Variants in UGT1A9 observed in about 807,000 individuals in gnomAD.
The protein encoded by UGT1A9 is UDP glucuronosyltransferase family 1 member A9.
In UGT1A9, 35 loss-of-function variants were observed where a neutral mutation model predicts 45.0. The observed-to-expected ratio is 0.78, with a 90% CI of 0.59 to 1.03. The LOEUF (loss-of-function observed/expected upper bound fraction) is 1.03, where lower values mean the gene tolerates loss of function less well. Among genes scored for constraint, UGT1A9 ranks in the 50% least tolerant of loss-of-function variants. The pLI is 0.00. For synonymous variants in UGT1A9, 278 were observed against 250.6 expected (o/e 1.11, Z -1.03); for missense variants, 687 against 666.6 (o/e 1.03, Z -0.34).
At chr2:233,724,136 CG>C in intron 1 of UGT1A9, among the ~76,000 whole-genome samples, 1 of 111,742 alleles carries the variant, frequency 8.9e-6, no homozygotes, top group African/African-American at 4.3e-5. Flanking sequence ...ACCTCCCGGA[CG>C]GGGCGGCTGG....
intron 1 of UGT1A9, among the ~76,000 whole-genome samples, chr2:233,702,121 A>T (rs1297535500): frequency 6.6e-6 from 1 of 152,030 alleles, no homozygotes; most frequent in Non-Finnish European, 1.5e-5. Flanking sequence ...ACCTTAGAAC[A>T]TTTTCAGTCA....
intron 1 of UGT1A9, among the ~76,000 whole-genome samples, chr2:233,701,820 G>C (rs1478449755): frequency 2.6e-5 from 4 of 152,146 alleles, no homozygotes; most frequent in African/African-American, 4.8e-5. Context: ...CAACATACCA[G>C]AATCTCTGGG....
At chr2:233,743,173 A>G (rs890417229) in intron 1 of UGT1A9, 7 of 365,612 alleles carry the variant, frequency 1.9e-5, no homozygotes, top group African/African-American at 1.5e-4. Flanking sequence ...GCTTAAAGTC[A>G]AATGTGGACT....
chr2:233,741,330 A>G lies in UGT1A9; in HGVS notation c.856-25704A>G, dbSNP rs546865407. On this transcript the variant is annotated intron_variant, in intron 1 of 4. Coordinates refer to ENST00000354728, the MANE Select transcript of UGT1A9 (RefSeq NM_021027.3). ...CACACCAACTCATTCTACTCTACCC[A>G]GAGTAGTGATTTCCAACACACAAAA... is the stretch of plus-strand genomic sequence containing the variant. Among the ~76,000 whole-genome samples the G allele has an allele frequency of 1.8e-4, 27 of 151,932 alleles. 1 individual carries two copies. Among genetic ancestry groups the G allele is most frequent in the African/African-American group, 5.6e-4 (23 of 41,194 alleles).
chr2:233,742,206 C>T (rs2125841703), intron 1 of UGT1A9, among the ~76,000 whole-genome samples: 1 of 152,086 alleles, frequency 6.6e-6, no homozygotes, highest in African/African-American at 2.4e-5. Context: ...AGGGGACTCA[C>T]AGCCTTCAGG....
At chr2:233,761,638 C>T (rs769742430) in intron 1 of UGT1A9, among the ~76,000 whole-genome samples, 2 of 152,230 alleles carry the variant, frequency 1.3e-5, no homozygotes, top group African/African-American at 2.4e-5. Context: ...TCCTGCAGTC[C>T]GTTCTCTTCT....
rs1559334070 is a variant in UGT1A9 at position 233,672,157 on chromosome 2, A to G, written c.223A>G (p.Lys75Glu). ...QLGRSLNCTV[K>E]TYSTSYTLED... ...GGGAAGATCACTGAATTGCACAGTGAAGACTTATTCAACTTCATATACCCT... is the reference window on the plus strand; with the variant it reads ...GGGAAGATCACTGAATTGCACAGTGGAGACTTATTCAACTTCATATACCCT... Residue 75 changes from lysine (K) to glutamate (E), a missense_variant, in exon 1 of 5, where the codon AAG (lysine) becomes GAG (glutamate). By Grantham distance (56) the Lys-to-Glu change is moderately conservative (BLOSUM62 1). Coordinates refer to ENST00000354728, the MANE Select transcript of UGT1A9 (RefSeq NM_021027.3). 4 of 1,614,188 alleles carry G rather than the reference A, an allele frequency of 2.5e-6. No individual in the cohort carries two copies. Among genetic ancestry groups the G allele is most frequent in the Non-Finnish European group, 3.4e-6 (4 of 1,180,026 alleles).
rs780660931 is a variant in UGT1A9, at chr2:233,767,955, A to C, written c.1075+19A>C. 173 of 1,614,006 alleles carry C rather than the reference A, an allele frequency of 1.1e-4. 2 individuals carry two copies. In the South Asian group the frequency reaches 1.6e-3, roughly 15 times the overall value. ...CTGCTTGGTATGTTGGGCGGATTGG[A>C]TGTATAGGTCAAACCAGGGTCAAAT... On this transcript the variant is annotated intron_variant, in intron 3 of 4. Coordinates refer to ENST00000354728, the MANE Select transcript of UGT1A9 (RefSeq NM_021027.3).
chr2:233,750,659 G>C (rs1224813107), intron 1 of UGT1A9: 1 of 143,478 alleles, frequency 7.0e-6, no homozygotes, highest in Non-Finnish European at 1.5e-5. Context: ...AGGACTTGGT[G>C]CCCTGTGTCC....
intron 1 of UGT1A9, among the ~76,000 whole-genome samples, chr2:233,720,647 A>G (rs1240527051): frequency 6.6e-6 from 1 of 152,088 alleles, no homozygotes; most frequent in African/African-American, 2.4e-5. Flanking sequence ...CTGGGATGTG[A>G]AAAACCAAAT....
chr2:233,672,140 C>T lies in UGT1A9; in HGVS notation c.206C>T (p.Ser69Leu), dbSNP rs2074212137. ...GAGGTGAGTTGGCAACTGGGAAGAT[C>T]ACTGAATTGCACAGTGAAGACTTAT... ...MPEVSWQLGR[S>L]LNCTVKTYST... Residue 69 changes from serine (S) to leucine (L), a missense_variant, in exon 1 of 5, where the codon TCA (serine) becomes TTA (leucine). Transcript: ENST00000354728. 1 of 1,614,186 alleles carries T rather than the reference C, an allele frequency of 6.2e-7. No individual in the cohort carries two copies. The highest frequency in any genetic ancestry group is 1.3e-5 in the African/African-American group (1 of 75,066).
intron 1 of UGT1A9, chr2:233,721,930 C>A: frequency 2.6e-6 from 1 of 377,680 alleles, no homozygotes; most frequent in Non-Finnish European, 5.3e-6. Context: ...AAGTGACATC[C>A]TTCAGACACT....
intron 1 of UGT1A9, among the ~76,000 whole-genome samples, chr2:233,757,869 G>C (rs1204071676): frequency 2.6e-5 from 4 of 151,938 alleles, no homozygotes; most frequent in African/African-American, 7.3e-5. Context: ...AAAGAAAGTA[G>C]CTTCAAAAGG....
At chr2:233,743,431 C>T (rs755334550) in intron 1 of UGT1A9, 17 of 1,354,320 alleles carry the variant, frequency 1.3e-5, no homozygotes, top group African/African-American at 1.5e-5. Context: ...GCCAAAGGAA[C>T]GAAATCCTGT....
chr2:233,769,852 T>G lies in UGT1A9; in HGVS notation c.1295+1413T>G. On this transcript the variant is annotated intron_variant, in intron 4 of 4. Transcript: ENST00000354728. The surrounding 1 kb of genome is among the most constrained non-coding windows in gnomAD (Gnocchi z 4.4). ...CAACCTGGGCAACAGAGTGAGACCC[T>G]GTCTCAAAAAAAAAAAAAAAAATGA... 1.1e-5 allele frequency: 5 copies of G among 461,196 alleles called. No homozygotes were observed. Among genetic ancestry groups the G allele is most frequent in the Non-Finnish European group, 1.0e-5 (3 of 289,680 alleles). 28.6% of individuals were successfully genotyped at this position (461,196 alleles called of 1,614,324 possible).
chr2:233,687,956 A>G (rs2074870649), intron 1 of UGT1A9, among the ~76,000 whole-genome samples: 1 of 152,252 alleles, frequency 6.6e-6, no homozygotes, highest in Non-Finnish European at 1.5e-5. Flanking sequence ...TTAAAAATTG[A>G]TATGTAATTC....
At chr2:233,695,566 C>T (rs956189673) in intron 1 of UGT1A9, among the ~76,000 whole-genome samples, 1 of 150,778 alleles carries the variant, frequency 6.6e-6, no homozygotes, top group South Asian at 2.1e-4. Context: ...CCATTTTCAC[C>T]CCCCCTTCCC....
At chr2:233,730,107 G>A (rs2077985691) in intron 1 of UGT1A9, 1 of 1,570,754 alleles carries the variant, frequency 6.4e-7, no homozygotes, top group Non-Finnish European at 8.6e-7. Flanking sequence ...TTTCATTTCT[G>A]CTTCTCCTTG....
intron 1 of UGT1A9, among the ~76,000 whole-genome samples, chr2:233,741,187 CT>C (rs1691585629): frequency 6.6e-6 from 1 of 151,902 alleles, no homozygotes; most frequent in Non-Finnish European, 1.5e-5. Context: ...CTTGTGTTTG[CT>C]TTCAACTGTT....
Sources: allele counts gnomAD v4.1 joint callset (sites outside exome capture counted in the v4.1 genomes callset), GRCh38; gene constraint gnomAD v4.1.1; non-coding constraint Gnocchi (gnomAD v3.1); transcripts MANE v1.5; gene names NCBI Gene and HGNC (gene_info 2026-07-23, HGNC 2026-07-21).